Variants in ARHGAP44 observed in about 807,000 individuals in gnomAD.
ARHGAP44 encodes the protein Rho GTPase activating protein 44.
A neutral mutation model predicts 106.8 loss-of-function variants in ARHGAP44; 43 were observed. The ratio of observed to expected loss-of-function variants is 0.40; its 90% CI spans 0.32 to 0.52. The LOEUF is 0.52. Ranked by LOEUF, ARHGAP44 falls within the 20% of genes least tolerant of loss-of-function variation. The pLI is 0.48. For synonymous variants in ARHGAP44, 439 were observed against 410.3 expected (o/e 1.07, Z -0.85); for missense variants, 866 against 1,050.5 (o/e 0.82, Z 2.43).
chr17:12,938,582 T>TTAAAAAAAAAAAAAA, intron 7 of ARHGAP44, among the ~76,000 whole-genome samples: 1 of 127,002 alleles, frequency 7.9e-6, no homozygotes, highest in Non-Finnish European at 1.7e-5. Flanking sequence ...AGCTATATAT[T>TTAAAAAAAAAAAAAA]AAAAAAAAAA....
intron 3 of ARHGAP44, among the ~76,000 whole-genome samples, chr17:12,905,346 C>G (rs1056450802): frequency 6.6e-6 from 1 of 152,146 alleles, no homozygotes; most frequent in Admixed American, 6.5e-5. Context: ...ATCATTAGTG[C>G]AGGTGTTAAA....
At chr17:12,862,101 G>A (rs2036104462) in intron 1 of ARHGAP44, among the ~76,000 whole-genome samples, 2 of 152,108 alleles carry the variant, frequency 1.3e-5, no homozygotes, top group South Asian at 4.1e-4. Context: ...TTGGGAGGCG[G>A]GGCATTATTT....
At chr17:12,989,887 C>G (rs546840641) in intron 20 of ARHGAP44, 145 bp from the exon 21 acceptor site, 2 of 1,226,694 alleles carry the variant, frequency 1.6e-6, no homozygotes, top group Non-Finnish European at 2.3e-6. Flanking sequence ...GACTGTGCAA[C>G]ACAATGCTTA....
At chr17:12,914,787 A>G (rs1262237751) in intron 4 of ARHGAP44, among the ~76,000 whole-genome samples, 4 of 137,214 alleles carry the variant, frequency 2.9e-5, no homozygotes, top group East Asian at 2.2e-4. Flanking sequence ...CAAGAGTGAA[A>G]CTCCATCTCA....
At chr17:12,905,168 T>C (rs1467405514) in intron 3 of ARHGAP44, among the ~76,000 whole-genome samples, 6 of 151,484 alleles carry the variant, frequency 4.0e-5, no homozygotes, top group Non-Finnish European at 5.9e-5. Flanking sequence ...CGCCTCAGCC[T>C]CCCAAAGTGC....
intron 1 of ARHGAP44, among the ~76,000 whole-genome samples, chr17:12,817,431 G>T (rs1233146485): frequency 6.6e-6 from 1 of 151,680 alleles, no homozygotes; most frequent in Non-Finnish European, 1.5e-5. Context: ...AAAGAAGAAT[G>T]GTCTCAAATC....
intron 1 of ARHGAP44, among the ~76,000 whole-genome samples, chr17:12,854,958 C>CAAAAA (rs1182512832): frequency 5.5e-4 from 28 of 50,874 alleles, no homozygotes; most frequent in East Asian, 1.4e-3. Flanking sequence ...AACTCTGTCT[C>CAAAAA]AAAAAAAAAA....
At chr17:12,825,331 C>G (rs1176206253) in intron 1 of ARHGAP44, among the ~76,000 whole-genome samples, 1 of 126,050 alleles carries the variant, frequency 7.9e-6, no homozygotes, top group East Asian at 2.3e-4. Context: ...GCCACTGCTC[C>G]CAGCCCTTGA....
intron 1 of ARHGAP44, among the ~76,000 whole-genome samples, chr17:12,883,381 T>C (rs1266898602): frequency 1.3e-5 from 2 of 151,676 alleles, no homozygotes; most frequent in Admixed American, 1.3e-4. Flanking sequence ...ATTAGTTTCT[T>C]TTTTTATTGT....
At position 12,896,389 on chromosome 17, in the gene ARHGAP44, C is replaced by G. The variant is rs756226920; in HGVS notation, c.94-18C>G. 1.0e-4 allele frequency: 161 copies of G among 1,573,876 alleles called. No homozygotes were observed. Among genetic ancestry groups the G allele is most frequent in the Non-Finnish European group, 1.4e-4 (158 of 1,159,916 alleles). On this transcript the variant is annotated intron_variant, in intron 2 of 20. Transcript: ENST00000379672. Reference sequence around the variant, plus strand: ...CCTTGCCCTCTCTCAGTGGCACCACCCGCTCTTCTCTCTGCAGGTGGAGAA... The same window carrying G: ...CCTTGCCCTCTCTCAGTGGCACCACGCGCTCTTCTCTCTGCAGGTGGAGAA...
At chr17:12,952,654 T>A in intron 13 of ARHGAP44, 73 bp downstream of exon 13, 1 of 1,089,450 alleles carries the variant, frequency 9.2e-7, no homozygotes, top group African/African-American at 1.6e-5. Flanking sequence ...ACTGCCCGGG[T>A]AAAAGTCATG....
intron 1 of ARHGAP44, among the ~76,000 whole-genome samples, chr17:12,792,600 G>A (rs1407079355): frequency 1.3e-5 from 2 of 152,168 alleles, no homozygotes; most frequent in South Asian, 4.1e-4. Context: ...GAAGCACATA[G>A]GATTGGAATT....
At chr17:12,891,999 A>G (rs532742034) in intron 1 of ARHGAP44, among the ~76,000 whole-genome samples, 6 of 145,838 alleles carry the variant, frequency 4.1e-5, no homozygotes, top group African/African-American at 1.5e-4. Flanking sequence ...CATGTTGGCC[A>G]GGCTGGTCTC....
chr17:12,860,004 G>T (rs753676628), intron 1 of ARHGAP44, among the ~76,000 whole-genome samples: 1 of 152,166 alleles, frequency 6.6e-6, no homozygotes, highest in African/African-American at 2.4e-5. Flanking sequence ...ACCTGGCTCC[G>T]TGGAGATTAG....
chr17:12,855,606 G>A (rs1310937148), intron 1 of ARHGAP44, among the ~76,000 whole-genome samples: 1 of 151,546 alleles, frequency 6.6e-6, no homozygotes, highest in Non-Finnish European at 1.5e-5. Flanking sequence ...ATATCCAAAT[G>A]GATATCCAAT....
At chr17:12,820,852 C>T (rs1000965855) in intron 1 of ARHGAP44, among the ~76,000 whole-genome samples, 2 of 152,202 alleles carry the variant, frequency 1.3e-5, no homozygotes, top group South Asian at 2.1e-4. Context: ...ATGTGAGTCT[C>T]GGAAGAACAA....
At chr17:12,806,597 C>G (rs1316784332) in intron 1 of ARHGAP44, among the ~76,000 whole-genome samples, 1 of 152,172 alleles carries the variant, frequency 6.6e-6, no homozygotes, top group Non-Finnish European at 1.5e-5. Context: ...TGAGTGGCCA[C>G]TTGACATCTC....
intron 10 of ARHGAP44, among the ~76,000 whole-genome samples, chr17:12,946,651 T>A (rs1170342659): frequency 6.6e-6 from 1 of 151,702 alleles, no homozygotes; most frequent in Non-Finnish European, 1.5e-5. Flanking sequence ...ATACAAAAAT[T>A]AGCTGGGCAT....
At chr17:12,791,105 A>G (rs2033741876) in intron 1 of ARHGAP44, among the ~76,000 whole-genome samples, 1 of 152,204 alleles carries the variant, frequency 6.6e-6, no homozygotes, top group African/African-American at 2.4e-5. Flanking sequence ...TGCCCTAGTT[A>G]CAGTGGGCAT....
Sources: gnomAD v4.1 joint callset for allele counts (sites outside exome capture counted in the v4.1 genomes callset) on GRCh38, gnomAD v4.1.1 for gene constraint, MANE v1.5 for transcripts, NCBI Gene and HGNC (gene_info 2026-07-23, HGNC 2026-07-21) for gene names.